The following MEIS1 variants were observed in gnomAD, a reference collection of about 807,000 sequenced individuals.
The protein encoded by MEIS1 is homeobox protein Meis1.
Under a neutral mutation model 50.8 loss-of-function variants are expected in MEIS1, and 5 were observed. That is an observed-to-expected ratio of 0.10 (90% CI 0.05 to 0.21). The LOEUF (loss-of-function observed/expected upper bound fraction) is 0.21. MEIS1 is among the 10% of genes least tolerant of loss of function. The pLI is 1.00. For synonymous variants in MEIS1, 176 were observed against 179.3 expected (o/e 0.98, Z 0.15); for missense variants, 318 against 517.3 (o/e 0.61, Z 3.74).
chr2:66,532,345 G>A (rs906998123), intron 8 of MEIS1, among the ~76,000 whole-genome samples: 28 of 152,018 alleles, frequency 1.8e-4, no homozygotes, highest in African/African-American at 6.7e-4. Flanking sequence ...TCTTTAGTGA[G>A]TTAATTCTGT....
chr2:66,438,046 A>C, intron 2 of MEIS1, 83 bp downstream of exon 2: 1 of 1,229,484 alleles, frequency 8.1e-7, no homozygotes, highest in Non-Finnish European at 1.1e-6. Context: ...GGAAAGTCAG[A>C]GTTCTCTGGA....
intron 8 of MEIS1, among the ~76,000 whole-genome samples, chr2:66,526,385 C>T (rs1674251662): frequency 6.6e-6 from 1 of 152,184 alleles, no homozygotes; most frequent in South Asian, 2.1e-4. Flanking sequence ...GTGCAAGTCA[C>T]CCATGGCAGG....
At chr2:66,477,456 A>C (rs1034710604) in intron 7 of MEIS1, among the ~76,000 whole-genome samples, 2 of 152,168 alleles carry the variant, frequency 1.3e-5, no homozygotes, top group Non-Finnish European at 2.9e-5. Flanking sequence ...CTGGTCATTG[A>C]TGGCTGTGGC....
chr2:66,440,042 A>G, intron 3 of MEIS1, 58 bp downstream of exon 3: 1 of 1,409,462 alleles, frequency 7.1e-7, no homozygotes, highest in Admixed American at 2.3e-5. Context: ...CCCCTTCGCC[A>G]ACACACACGC....
intron 7 of MEIS1, among the ~76,000 whole-genome samples, chr2:66,477,006 A>G (rs534872388): frequency 6.6e-6 from 1 of 152,260 alleles, no homozygotes; most frequent in East Asian, 1.9e-4. Flanking sequence ...TGAGAGAGGA[A>G]GAGTCTGAGG....
intron 3 of MEIS1, 173 bp from the exon 4 acceptor site, chr2:66,440,389 A>G: frequency 1.5e-6 from 1 of 656,306 alleles, no homozygotes; most frequent in Non-Finnish European, 2.7e-6. Flanking sequence ...TTTAATTCAC[A>G]CTGAAATGTT....
In MEIS1 at chr2:66,567,177, A is replaced by G. The variant is rs557671871; in HGVS notation, c.966-276A>G. 2.0e-5 allele frequency among the ~76,000 whole-genome samples: 3 copies of G among 152,250 alleles called. No homozygotes were observed. The South Asian group carries it at 6.2e-4, about 32-fold the overall frequency. On this transcript the variant is annotated intron_variant, in intron 9 of 12. Transcript: ENST00000272369. ...AGTATTGTTTCCTGAAAACTCTGCT[A>G]ATTCCCCCATGAAAAGATGAAATGG...
intron 7 of MEIS1, among the ~76,000 whole-genome samples, chr2:66,511,144 T>C (rs1333827348): frequency 2.0e-5 from 3 of 152,244 alleles, no homozygotes; most frequent in Non-Finnish European, 2.9e-5. Flanking sequence ...TTGTCCTTTG[T>C]TGTTTTCCTT....
intron 7 of MEIS1, among the ~76,000 whole-genome samples, chr2:66,490,488 C>G (rs559422629): frequency 3.9e-5 from 6 of 152,134 alleles, no homozygotes; most frequent in African/African-American, 9.6e-5. Flanking sequence ...TTAAAAAGTT[C>G]TAGTTAACTT....
rs540076116 is a variant in MEIS1 at position 66,465,162 on chromosome 2, A to G, written c.742+942A>G. ...GTTGGGCTCTACCAATTAAAATTGC[A>G]AAGTCTACAATGAATTTAGTGTGAT... On this transcript the variant is annotated intron_variant, in intron 7 of 12. Coordinates refer to ENST00000272369, the MANE Select transcript of MEIS1 (RefSeq NM_002398.3). Among the ~76,000 whole-genome samples, 14 of 152,354 alleles carry G rather than the reference A, an allele frequency of 9.2e-5. No homozygotes were observed. The South Asian group carries it at 2.9e-3, about 32-fold the overall frequency.
At chr2:66,474,606 A>G (rs1303383254) in intron 7 of MEIS1, among the ~76,000 whole-genome samples, 1 of 152,152 alleles carries the variant, frequency 6.6e-6, no homozygotes, top group African/African-American at 2.4e-5. Flanking sequence ...TACCTGTTGT[A>G]TTGATTAGTC....
intron 9 of MEIS1, 139 bp downstream of exon 9, chr2:66,548,158 T>G: frequency 1.4e-6 from 1 of 732,884 alleles, no homozygotes; most frequent in East Asian, 2.7e-5. Context: ...GAAAACAAAC[T>G]GTTGACTGAT....
Position 66,573,374 on chromosome 2 carries a change from G to T in MEIS1, c.*2166G>T, listed in dbSNP as rs1280037503. On this transcript the variant is annotated 3_prime_UTR_variant, in exon 13 of 13. Coordinates refer to ENST00000272369, the MANE Select transcript of MEIS1 (RefSeq NM_002398.3). ...AAAATATACAAATATTTTAATTAAG[G>T]CAAATTCGTTTTAAAAAATAAGCCT... is the stretch of plus-strand genomic sequence containing the variant. 3 of 152,142 alleles carry T rather than the reference G, an allele frequency of 2.0e-5. No individual in the cohort carries two copies. In the East Asian group the frequency reaches 5.8e-4, roughly 29 times the overall value. The allele number at this position is 152,142 out of a possible 1,614,324, so 9.4% of individuals were successfully genotyped here. A position where few individuals can be genotyped will look rare whatever the true frequency, so the allele number is the denominator to read the frequency against.
At chr2:66,497,477 G>A (rs1182586229) in intron 7 of MEIS1, among the ~76,000 whole-genome samples, 1 of 152,186 alleles carries the variant, frequency 6.6e-6, no homozygotes, top group Non-Finnish European at 1.5e-5. Flanking sequence ...ATTGTCTAGA[G>A]AAGAGATGGA....
chr2:66,476,022 C>T (rs1438864767), intron 7 of MEIS1, among the ~76,000 whole-genome samples: 1 of 152,168 alleles, frequency 6.6e-6, no homozygotes, highest in Non-Finnish European at 1.5e-5. Flanking sequence ...GGGTTCGCCT[C>T]ATTCTCCAGT....
At chr2:66,503,769 G>A (rs867018543) in intron 7 of MEIS1, among the ~76,000 whole-genome samples, 19 of 145,248 alleles carry the variant, frequency 1.3e-4, no homozygotes, top group African/African-American at 4.9e-4. Context: ...TTTTGAGACG[G>A]GGTCTAGCTC....
chr2:66,444,807 A>G (rs955503645), intron 6 of MEIS1, among the ~76,000 whole-genome samples: 28 of 152,368 alleles, frequency 1.8e-4, no homozygotes, highest in African/African-American at 6.7e-4. Context: ...ATGGGATTCT[A>G]AAAGCTCCGG....
chr2:66,473,605 G>T (rs1672821161), intron 7 of MEIS1, among the ~76,000 whole-genome samples: 2 of 151,802 alleles, frequency 1.3e-5, no homozygotes, highest in East Asian at 1.9e-4. Context: ...TAGTTCTGTG[G>T]TTTGTTACTT....
intron 7 of MEIS1, among the ~76,000 whole-genome samples, chr2:66,507,919 T>C (rs1446767226): frequency 6.6e-6 from 1 of 152,254 alleles, no homozygotes; most frequent in Non-Finnish European, 1.5e-5. Flanking sequence ...CCTTGCTCCG[T>C]AGGGACAGGC....
Sources: gnomAD v4.1 joint callset for allele counts (sites outside exome capture counted in the v4.1 genomes callset) on GRCh38, gnomAD v4.1.1 for gene constraint, MANE v1.5 for transcripts, NCBI Gene and HGNC (gene_info 2026-07-23, HGNC 2026-07-21) for gene names.